CACNA2D3: variants seen among roughly 807,000 people sequenced by gnomAD.
The protein encoded by CACNA2D3 is calcium voltage-gated channel auxiliary subunit alpha2delta 3, also known as voltage-dependent calcium channel subunit alpha-2/delta-3.
CACNA2D3 carries 60 observed loss-of-function variants against 160.6 expected under a neutral mutation model. The observed-to-expected ratio is 0.37, with a 90% confidence interval of 0.30 to 0.46. The LOEUF is 0.46. CACNA2D3 is among the 20% of genes least tolerant of loss of function. CACNA2D3 has a pLI of 1.00. For missense variants in CACNA2D3, 1,205 were observed against 1,365.0 expected (o/e 0.88, Z 1.85); for synonymous variants, 558 against 492.9 (o/e 1.13, Z -1.75).
chr3:54,571,145 T>G (rs1325198489), intron 8 of CACNA2D3, among the ~76,000 whole-genome samples: 3 of 152,118 alleles, frequency 2.0e-5, no homozygotes, highest in Admixed American at 6.5e-5. Flanking sequence ...GGTTGACAAT[T>G]GGTTGAGTTT....
At chr3:54,175,747 A>G (rs1220764628) in intron 2 of CACNA2D3, among the ~76,000 whole-genome samples, 1 of 152,116 alleles carries the variant, frequency 6.6e-6, no homozygotes, top group African/African-American at 2.4e-5. Context: ...CTGATATACC[A>G]TCTTGAGGTT....
At chr3:54,532,731 T>TG (rs1388109493) in intron 5 of CACNA2D3, among the ~76,000 whole-genome samples, 1 of 152,216 alleles carries the variant, frequency 6.6e-6, no homozygotes, top group Non-Finnish European at 1.5e-5. Context: ...TTCCATATCT[T>TG]TGTTATTGCG....
intron 14 of CACNA2D3, among the ~76,000 whole-genome samples, chr3:54,830,767 G>A: frequency 6.6e-6 from 1 of 151,996 alleles, no homozygotes; most frequent in East Asian, 1.9e-4. Flanking sequence ...GTGAGTCACC[G>A]CACCTGGCCC....
chr3:54,571,401 G>T (rs1702494428), intron 8 of CACNA2D3, among the ~76,000 whole-genome samples: 1 of 152,150 alleles, frequency 6.6e-6, no homozygotes, highest in South Asian at 2.1e-4. Flanking sequence ...TTTTAAAAGA[G>T]CCTTTGTCTC....
chr3:55,021,603 A>ATG (rs1394290121), intron 35 of CACNA2D3, among the ~76,000 whole-genome samples: 1 of 140,578 alleles, frequency 7.1e-6, no homozygotes, highest in African/African-American at 2.8e-5. Flanking sequence ...TCTAAATTAT[A>ATG]TATATATATA....
At chr3:54,895,582 AT>A (rs1268190807) in intron 25 of CACNA2D3, among the ~76,000 whole-genome samples, 1 of 152,090 alleles carries the variant, frequency 6.6e-6, no homozygotes, top group African/African-American at 2.4e-5. Flanking sequence ...TAGCATGAAA[AT>A]TTCTCTCCAT....
intron 9 of CACNA2D3, 46 bp downstream of exon 9, chr3:54,581,923 C>A: frequency 1.3e-6 from 2 of 1,497,198 alleles, no homozygotes; most frequent in Non-Finnish European, 1.9e-6. Flanking sequence ...ACACCCCTGT[C>A]TCCCTCATAG....
chr3:54,859,019 A>G (rs1699228281), intron 17 of CACNA2D3, among the ~76,000 whole-genome samples: 1 of 152,188 alleles, frequency 6.6e-6, no homozygotes, highest in Admixed American at 6.5e-5. Context: ...TATACATTTA[A>G]ATGAATCACT....
intron 5 of CACNA2D3, among the ~76,000 whole-genome samples, chr3:54,529,558 A>C (rs1360644769): frequency 1.3e-5 from 2 of 152,128 alleles, no homozygotes; most frequent in African/African-American, 4.8e-5. Context: ...CTTACCTGTG[A>C]AGTGGGAATG....
chr3:54,465,385 A>G (rs77991385), intron 4 of CACNA2D3, among the ~76,000 whole-genome samples: 2,956 of 152,236 alleles, frequency 0.019, 77 homozygotes, highest in East Asian at 0.11. Context: ...AATTGCTATA[A>G]TTGTTATTTT....
intron 9 of CACNA2D3, among the ~76,000 whole-genome samples, chr3:54,609,300 T>C (rs1698698445): frequency 6.6e-6 from 1 of 152,224 alleles, no homozygotes; most frequent in South Asian, 2.1e-4. Context: ...CTTAGACTTC[T>C]AACCTCTAAA....
rs576594334 is a variant in CACNA2D3, at chr3:54,797,004, C to A, written c.1381-19849C>A. ...CTGTCTTCTGAATTATACCCCTAAG[C>A]CACTTAGTTAGAGCAGACAGCTTTT... is the stretch of plus-strand genomic sequence containing the variant. On this transcript the variant is annotated intron_variant, in intron 13 of 37. Coordinates refer to ENST00000474759, the MANE Select transcript of CACNA2D3 (RefSeq NM_018398.3). Among the ~76,000 whole-genome samples, 20 of 152,256 alleles carry A rather than the reference C, an allele frequency of 1.3e-4. No homozygotes were observed. In the South Asian group the frequency reaches 3.1e-3, roughly 24 times the overall value.
chr3:54,328,212 C>T (rs1387370827), intron 3 of CACNA2D3, among the ~76,000 whole-genome samples: 1 of 152,166 alleles, frequency 6.6e-6, no homozygotes, highest in African/African-American at 2.4e-5. Flanking sequence ...ATTATCCTCT[C>T]TAGTATTTGA....
chr3:54,849,224 GTTGT>G (rs1457249059), intron 17 of CACNA2D3, among the ~76,000 whole-genome samples: 5 of 152,138 alleles, frequency 3.3e-5, no homozygotes, highest in African/African-American at 7.2e-5. Flanking sequence ...AGAAACCAAG[GTTGT>G]TTGTTTGTTT....
intron 11 of CACNA2D3, among the ~76,000 whole-genome samples, chr3:54,660,614 A>G (rs1699950957): frequency 6.6e-6 from 1 of 152,212 alleles, no homozygotes; most frequent in Admixed American, 6.5e-5. Flanking sequence ...GAGGCTCCCA[A>G]TGCCAAATGG....
intron 35 of CACNA2D3, among the ~76,000 whole-genome samples, chr3:55,043,123 G>A (rs1255732675): frequency 2.0e-5 from 3 of 152,124 alleles, no homozygotes; most frequent in Non-Finnish European, 4.4e-5. Flanking sequence ...AATGAACCTG[G>A]GAGTGGGGTT....
intron 4 of CACNA2D3, among the ~76,000 whole-genome samples, chr3:54,435,538 T>A (rs1256310870): frequency 6.6e-6 from 1 of 152,126 alleles, no homozygotes; most frequent in Admixed American, 6.5e-5. Flanking sequence ...GCTAAGGTAG[T>A]GTTGACAGGG....
chr3:54,902,215 G>T (rs1700348758), intron 27 of CACNA2D3, among the ~76,000 whole-genome samples: 3 of 152,172 alleles, frequency 2.0e-5, no homozygotes, highest in Admixed American at 2.0e-4. Flanking sequence ...CCTTGGAAAG[G>T]CCAGCTTCGC....
At chr3:54,686,132 A>G (rs912607125) in intron 11 of CACNA2D3, among the ~76,000 whole-genome samples, 6 of 152,274 alleles carry the variant, frequency 3.9e-5, no homozygotes, top group African/African-American at 1.4e-4. Flanking sequence ...TTGCTAAAAT[A>G]CAATCTGTGG....
Sources: allele counts gnomAD v4.1 joint callset (sites outside exome capture counted in the v4.1 genomes callset), GRCh38; gene constraint gnomAD v4.1.1; transcripts MANE v1.5; gene names NCBI Gene and HGNC (gene_info 2026-07-23, HGNC 2026-07-21).